CATSPER4: variants seen among roughly 807,000 people sequenced by gnomAD.
The protein encoded by CATSPER4 is cation channel sperm associated 4.
In CATSPER4, 46 loss-of-function variants were observed where a neutral mutation model predicts 54.4. The ratio of observed to expected loss-of-function variants is 0.84; its 90% CI spans 0.67 to 1.08. The LOEUF (loss-of-function observed/expected upper bound fraction) is 1.08, where lower values mean the gene tolerates loss of function less well. CATSPER4 is among the 50% of genes least tolerant of loss of function. The probability of loss-of-function intolerance (pLI) is 0.00; values close to 1 mark genes in which losing one functional copy is unlikely to be tolerated. For missense variants in CATSPER4, 574 were observed against 612.8 expected (o/e 0.94, Z 0.67); for synonymous variants, 230 against 231.9 (o/e 0.99, Z 0.08).
intron 3 of CATSPER4, among the ~76,000 whole-genome samples, chr1:26,196,913 CT>C (rs1230900409): frequency 4.0e-3 from 285 of 71,326 alleles, no homozygotes; most frequent in African/African-American, 8.3e-3. Context: ...TCTTTTCTTT[CT>C]TTTTTTTTTT....
At chr1:26,191,493 T>C (rs2124522058) in intron 2 of CATSPER4, 63 bp downstream of exon 2, 1 of 1,578,770 alleles carries the variant, frequency 6.3e-7, no homozygotes, top group Non-Finnish European at 8.7e-7. Context: ...CAAGAACTCT[T>C]CCGGCCTCAG....
rs1182878570 is a variant in CATSPER4, at chr1:26,195,582, G to C, written c.459+1694G>C. ...GTGGCGCGATCTCGGCTCACTGCAA[G>C]CTCTGCCTCCCCGGGTTCACACCAT... On this transcript the variant is annotated intron_variant, in intron 3 of 9. Transcript: ENST00000456354. Among the ~76,000 whole-genome samples, 12 of 150,816 alleles carry C rather than the reference G, an allele frequency of 8.0e-5. No individual in the cohort carries two copies. In the South Asian group the frequency reaches 2.1e-3, roughly 26 times the overall value.
In CATSPER4 at chr1:26,200,894, C is replaced by A. The variant is rs774394198; in HGVS notation, c.1052C>A (p.Ser351Ter). ...LPLVHCVVAR[S>*]EKSGLLQEPL... Reference sequence around the variant, plus strand: ...CTGGTGCATTGTGTGGTCGCCCGCTCGGAGAAATCTGGTCTCCTCCAGGAA... The same window carrying A: ...CTGGTGCATTGTGTGGTCGCCCGCTAGGAGAAATCTGGTCTCCTCCAGGAA... The change falls in exon 8 of 10, where the codon TCG becomes TAG. Residue 351 changes from serine (S) to a stop codon, truncating the protein, a stop_gained. Coordinates refer to ENST00000456354, the MANE Select transcript of CATSPER4 (RefSeq NM_198137.2). LOFTEE classifies it high-confidence loss of function. 78 of 1,613,992 alleles carry A rather than the reference C, an allele frequency of 4.8e-5. 1 individual carries two copies. Among genetic ancestry groups the A allele is most frequent in the South Asian group, 7.7e-5 (7 of 91,092 alleles).
chr1:26,200,937 CCT>C lies in CATSPER4; in HGVS notation c.1096_1097del (p.Leu366ValfsTer9), dbSNP rs1367275673. The C allele has an allele frequency of 6.2e-7, 1 of 1,614,078 alleles. No individual in the cohort carries two copies. Among genetic ancestry groups the C allele is most frequent in the Non-Finnish European group, 8.5e-7 (1 of 1,179,990 alleles). On this transcript the variant is annotated frameshift_variant, in exon 8 of 10. Transcript: ENST00000456354. LOFTEE classifies it high-confidence loss of function. ...LLQEPLAGGPLSNLSENTCDN... is the reference protein window; with the variant it reads ...LLQEPLAGGPXSNLSENTCDN... ...TCCAGGAACCCCTTGCGGGAGGCCC[CCT>C]GTCGAACCTCTCAGAAAACACGTGT...
intron 9 of CATSPER4, among the ~76,000 whole-genome samples, chr1:26,201,942 G>A (rs1815517): frequency 0.34 from 51,491 of 151,744 alleles, 8,921 homozygotes; most frequent in Non-Finnish European, 0.37. Flanking sequence ...ACCCTCCTTG[G>A]CCTCCCAAAG....
At chr1:26,196,209 T>C (rs1206113723) in intron 3 of CATSPER4, among the ~76,000 whole-genome samples, 1 of 148,534 alleles carries the variant, frequency 6.7e-6, no homozygotes, top group Non-Finnish European at 1.5e-5. Context: ...TCGCAAACTC[T>C]TGGCCTCAAG....
At chr1:26,198,218 T>C (rs2088965704) in intron 5 of CATSPER4, 68 bp from the exon 6 acceptor site, 8 of 1,613,560 alleles carry the variant, frequency 5.0e-6, no homozygotes, top group South Asian at 1.1e-5. Flanking sequence ...TTCATTTACA[T>C]GACATTTGTG....
At chr1:26,202,460 G>T (rs746442256) in intron 9 of CATSPER4, 29 bp from the exon 10 acceptor site, 2 of 1,604,270 alleles carry the variant, frequency 1.2e-6, no homozygotes, top group Non-Finnish European at 1.7e-6. Flanking sequence ...GGGAGTGGGG[G>T]ATTAACAAGA....
In CATSPER4 at chr1:26,191,285, A is replaced by G. The variant is rs1369413167; in HGVS notation, c.214-2A>G. The G allele has an allele frequency of 1.9e-6, 3 of 1,614,038 alleles. No homozygotes were observed. In the Admixed American group the frequency reaches 5.0e-5, roughly 27 times the overall value. ...CTGAAGGAAGGTCCTGCCCTCTTCC[A>G]GGACGCCTGGGACATGCAGGAGTTC... On this transcript the variant is annotated splice_acceptor_variant, in intron 1 of 9. Coordinates refer to ENST00000456354, the MANE Select transcript of CATSPER4 (RefSeq NM_198137.2). LOFTEE classifies it high-confidence loss of function.
intron 2 of CATSPER4, among the ~76,000 whole-genome samples, chr1:26,192,083 T>C (rs773133563): frequency 1.1e-4 from 16 of 151,774 alleles, no homozygotes; most frequent in Non-Finnish European, 2.1e-4. Flanking sequence ...GACTTCTCTG[T>C]GTCCAACTTG....
At chr1:26,195,322 G>A (rs2088924071) in intron 3 of CATSPER4, among the ~76,000 whole-genome samples, 1 of 152,042 alleles carries the variant, frequency 6.6e-6, no homozygotes, top group African/African-American at 2.4e-5. Flanking sequence ...AGTTGTATTT[G>A]GCTCCCAGTT....
At chr1:26,193,764 T>A in intron 2 of CATSPER4, 23 bp from the exon 3 acceptor site, 1 of 1,554,008 alleles carries the variant, frequency 6.4e-7, no homozygotes, top group South Asian at 1.1e-5. Context: ...TCTGCCCCTC[T>A]TTTTTCTCTG....
rs1192261391 is a variant in CATSPER4, at chr1:26,190,707, A to G, written c.80A>G (p.Asp27Gly). 1 of 1,612,944 alleles carries G rather than the reference A, an allele frequency of 6.2e-7. No homozygotes were observed. Among genetic ancestry groups the G allele is most frequent in the South Asian group, 1.1e-5 (1 of 90,976 alleles). Residue 27 changes from aspartate to glycine, a missense_variant, in exon 1 of 10, where the codon GAC becomes GGC. Coordinates refer to ENST00000456354, the MANE Select transcript of CATSPER4 (RefSeq NM_198137.2). ...GLEGWGGTQE[D>G]RMGFGGAVAA... The stretch of plus-strand genomic sequence containing the variant: ...GAGGGGTGGGGCGGGACTCAGGAGG[A>G]CCGTATGGGGTTTGGAGGGGCAGTA...
chr1:26,197,923 G>A, intron 4 of CATSPER4, 34 bp from the exon 5 acceptor site: 1 of 1,611,892 alleles, frequency 6.2e-7, no homozygotes, highest in African/African-American at 1.3e-5. Context: ...GGCTGGGAAG[G>A]GCCTAGGGGC....
intron 1 of CATSPER4, 146 bp from the exon 2 acceptor site, chr1:26,191,141 C>A: frequency 1.1e-6 from 1 of 930,056 alleles, no homozygotes; most frequent in Non-Finnish European, 1.7e-6. Flanking sequence ...GATCTCTACA[C>A]TGATGTCTCC....
chr1:26,201,655 C>CT lies in CATSPER4; in HGVS notation c.1365+144dup, dbSNP rs1383037802. 7.8e-3 allele frequency: 5,666 copies of CT among 727,264 alleles called. 26 individuals are homozygous for CT. Among genetic ancestry groups the CT allele is most frequent in the Middle Eastern group, 0.012 (49 of 4,140 alleles). 45.1% of individuals were successfully genotyped at this position (727,264 alleles called of 1,614,324 possible). ...GTCCCCCTCACCACCACCACCCCTC[C>CT]TTTTTTTTCTTTTTTCTTTTTCTTT... On this transcript the variant is annotated intron_variant, in intron 9 of 9. Coordinates refer to ENST00000456354, the MANE Select transcript of CATSPER4 (RefSeq NM_198137.2).
At position 26,190,736 on chromosome 1, in the gene CATSPER4, G is replaced by C; in HGVS notation, c.109G>C (p.Ala37Pro). The change falls in exon 1 of 10, where the codon GCA becomes CCA. Residue 37 changes from alanine to proline, a missense_variant. By Grantham distance (27) the Ala-to-Pro change is conservative. Coordinates refer to ENST00000456354, the MANE Select transcript of CATSPER4 (RefSeq NM_198137.2). ...DRMGFGGAVA[A>P]LRGRPSPLQS... is the part of the protein sequence containing the mutation. ...TATGGGGTTTGGAGGGGCAGTAGCTGCACTGAGGGGCCGCCCCTCTCCCCT... is the reference window on the plus strand; with the variant it reads ...TATGGGGTTTGGAGGGGCAGTAGCTCCACTGAGGGGCCGCCCCTCTCCCCT... The C allele has an allele frequency of 6.2e-7, 1 of 1,613,412 alleles. No individual in the cohort carries two copies. The highest frequency in any genetic ancestry group is 1.1e-5 in the South Asian group (1 of 90,972).
intron 3 of CATSPER4, among the ~76,000 whole-genome samples, chr1:26,194,472 C>T (rs2088908736): frequency 6.6e-6 from 1 of 152,224 alleles, no homozygotes; most frequent in Non-Finnish European, 1.5e-5. Context: ...CTTGTCTCTC[C>T]CAGGCTAGGT....
rs116218892 is a variant in CATSPER4, at chr1:26,197,587, G to A, written c.460-99G>A. The A allele has an allele frequency of 3.0e-3, 2,482 of 823,062 alleles. 52 individuals are homozygous for A. The African/African-American group carries it at 0.037, about 12-fold the overall frequency. 51.0% of individuals were successfully genotyped at this position (823,062 alleles called of 1,614,324 possible). On this transcript the variant is annotated intron_variant, in intron 3 of 9. Coordinates refer to ENST00000456354, the MANE Select transcript of CATSPER4 (RefSeq NM_198137.2). ...AGCTGACTGGCCCTGCTCTGAGAGG[G>A]ACATTGAGCCCTCATCCCTGGGATG...
Sources: gnomAD v4.1 joint callset for allele counts (sites outside exome capture counted in the v4.1 genomes callset) on GRCh38, gnomAD v4.1.1 for gene constraint, MANE v1.5 for transcripts, NCBI Gene and HGNC (gene_info 2026-07-23, HGNC 2026-07-21) for gene names.